The following SND1 variants were observed in gnomAD, a reference collection of about 807,000 sequenced individuals.
SND1 encodes staphylococcal nuclease and tudor domain containing 1.
SND1 carries 38 observed loss-of-function variants against 121.7 expected under a neutral mutation model. The observed-to-expected ratio is 0.31, with a 90% CI of 0.24 to 0.41. The LOEUF is 0.41. Ranked by LOEUF, SND1 falls within the 10% of genes least tolerant of loss-of-function variation. The probability of loss-of-function intolerance (pLI) is 1.00; values close to 1 mark genes in which losing one functional copy is unlikely to be tolerated. For synonymous variants in SND1, 401 were observed against 447.4 expected, an observed-to-expected ratio of 0.90 and a Z score of 1.31; for missense variants, 868 against 1,184.6, an observed-to-expected ratio of 0.73 and a Z score of 3.92.
chr7:127,947,638 G>T (rs1334124162), intron 15 of SND1, among the ~76,000 whole-genome samples: 1 of 152,166 alleles, frequency 6.6e-6, no homozygotes, highest in African/African-American at 2.4e-5. Flanking sequence ...AGGACTCTGG[G>T]CGCTGGCCTT....
intron 13 of SND1, chr7:127,904,537 G>C: frequency 2.5e-6 from 1 of 396,936 alleles, no homozygotes; most frequent in Non-Finnish European, 4.6e-6. Context: ...GCCAAGTGCT[G>C]GTAACAGGGC....
intron 1 of SND1, among the ~76,000 whole-genome samples, chr7:127,664,458 T>TG (rs920613179): frequency 1.6e-4 from 25 of 151,918 alleles, no homozygotes; most frequent in African/African-American, 5.1e-4. Flanking sequence ...TTGGGGAAAA[T>TG]GGGGAGGTGC....
intron 10 of SND1, among the ~76,000 whole-genome samples, chr7:127,726,101 G>A (rs1796577278): frequency 6.6e-6 from 1 of 152,140 alleles, no homozygotes; most frequent in Non-Finnish European, 1.5e-5. Context: ...CCTTAATTTG[G>A]TTACTTTCTA....
At chr7:127,857,338 G>A (rs1321200511) in intron 12 of SND1, among the ~76,000 whole-genome samples, 2 of 142,692 alleles carry the variant, frequency 1.4e-5, no homozygotes, top group African/African-American at 5.2e-5. Context: ...GACTACAGGC[G>A]CCCGCCACCG....
chr7:128,037,654 C>G (rs115707464), intron 16 of SND1, among the ~76,000 whole-genome samples: 17 of 152,244 alleles, frequency 1.1e-4, no homozygotes, highest in African/African-American at 3.6e-4. Flanking sequence ...CAGCAGGTGA[C>G]TCTTCCCTAT....
rs941725840 is a variant in SND1, at chr7:127,664,969, C to T, written c.78+12518C>T. Among the ~76,000 whole-genome samples, 4 of 152,278 alleles carry T rather than the reference C, an allele frequency of 2.6e-5. No homozygotes were observed. In the East Asian group the frequency reaches 5.8e-4, roughly 22 times the overall value. On this transcript the variant is annotated intron_variant, in intron 1 of 23. Coordinates refer to ENST00000354725, the MANE Select transcript of SND1 (RefSeq NM_014390.4). Reference sequence around the variant, plus strand: ...GGGTGGTAGGTGGTAGTAGGAATGACAATATCTGGCACGGAGAACACTTGT... The same window carrying T: ...GGGTGGTAGGTGGTAGTAGGAATGATAATATCTGGCACGGAGAACACTTGT...
At chr7:127,913,585 T>A (rs1406478662) in intron 14 of SND1, among the ~76,000 whole-genome samples, 1 of 152,232 alleles carries the variant, frequency 6.6e-6, no homozygotes, top group Non-Finnish European at 1.5e-5. Context: ...CACTCTATGA[T>A]TCTATTTCAT....
chr7:127,960,728 ATCTATAT>A (rs750481589), intron 15 of SND1, among the ~76,000 whole-genome samples: 2 of 152,206 alleles, frequency 1.3e-5, no homozygotes, highest in African/African-American at 2.4e-5. Flanking sequence ...CCAGGTTGCA[ATCTATAT>A]TCAGATCTTC....
At chr7:127,949,295 GAAA>G (rs1490533707) in intron 15 of SND1, 1 of 152,086 alleles carries the variant, frequency 6.6e-6, no homozygotes, top group Non-Finnish European at 1.5e-5. Context: ...GAACCCTTAA[GAAA>G]AAAGTAAAAT....
chr7:127,802,390 C>T (rs972805607), intron 10 of SND1, among the ~76,000 whole-genome samples: 6 of 152,178 alleles, frequency 3.9e-5, no homozygotes, highest in Admixed American at 2.0e-4. Flanking sequence ...TAGTGCTCTA[C>T]CAAAAGTATG....
chr7:127,951,911 T>C (rs1006365621), intron 15 of SND1, among the ~76,000 whole-genome samples: 1 of 152,252 alleles, frequency 6.6e-6, no homozygotes, highest in African/African-American at 2.4e-5. Flanking sequence ...ACCTGCATGT[T>C]GCAAAATCTA....
rs544863189 is a variant in SND1, at chr7:128,015,372, C to A, written c.1779+24316C>A. On this transcript the variant is annotated intron_variant, in intron 16 of 23. Coordinates refer to ENST00000354725, the MANE Select transcript of SND1 (RefSeq NM_014390.4). This position sits in a 1 kb window ranked among gnomAD's most constrained non-coding sequence, Gnocchi z 4.5. ...TTAAGTTCATATTTTGCAGAAAACA[C>A]TTTCCAGCCTTCATCAGCGCTAATC... Among the ~76,000 whole-genome samples, 1 of 152,342 alleles carries A rather than the reference C, an allele frequency of 6.6e-6. No homozygotes were observed. Among genetic ancestry groups the A allele is most frequent in the African/African-American group, 2.4e-5 (1 of 41,576 alleles).
intron 15 of SND1, among the ~76,000 whole-genome samples, chr7:127,962,240 C>G (rs899701595): frequency 2.0e-5 from 3 of 152,090 alleles, no homozygotes; most frequent in Non-Finnish European, 1.5e-5. Flanking sequence ...ATAAATTAAG[C>G]CTTGAAACCC....
Position 128,085,803 on chromosome 7 carries a change from T to C in SND1, c.2304+23T>C, listed in dbSNP as rs961720867. 2 of 1,601,296 alleles carry C rather than the reference T, an allele frequency of 1.2e-6. No individual in the cohort carries two copies. Among genetic ancestry groups the C allele is most frequent in the African/African-American group, 1.3e-5 (1 of 74,684 alleles). On this transcript the variant is annotated intron_variant, in intron 20 of 23. Transcript: ENST00000354725. This position sits in a 1 kb window ranked among gnomAD's most constrained non-coding sequence, Gnocchi z 4.4. ...AACGTGAGTGTTGGGGACCAGAGTGTTGGAGGGGCTATCAAACACAGCAGC... is the reference window on the plus strand; with the variant it reads ...AACGTGAGTGTTGGGGACCAGAGTGCTGGAGGGGCTATCAAACACAGCAGC...
At chr7:127,806,388 C>T (rs535528494) in intron 10 of SND1, among the ~76,000 whole-genome samples, 102 of 152,280 alleles carry the variant, frequency 6.7e-4, no homozygotes, top group African/African-American at 2.4e-3. Flanking sequence ...AATGGCATTG[C>T]TTAGAATAGC....
intron 1 of SND1, among the ~76,000 whole-genome samples, chr7:127,670,074 T>A (rs943539365): frequency 3.3e-5 from 5 of 151,812 alleles, no homozygotes; most frequent in African/African-American, 9.7e-5. Flanking sequence ...TACTGCAACC[T>A]CTGCGTCCTG....
chr7:128,005,936 T>A lies in SND1; in HGVS notation c.1779+14880T>A, dbSNP rs533540410. ...TAAAGGACACAGCCTTCCTTTGTTA[T>A]CTTTTTCCACAGAATGTAAAATGAG... On this transcript the variant is annotated intron_variant, in intron 16 of 23. Coordinates refer to ENST00000354725, the MANE Select transcript of SND1 (RefSeq NM_014390.4). Among the ~76,000 whole-genome samples the A allele has an allele frequency of 7.9e-5, 12 of 152,288 alleles. No individual in the cohort carries two copies. The South Asian group carries it at 2.5e-3, about 32-fold the overall frequency.
At chr7:127,657,780 T>G (rs1319670874) in intron 1 of SND1, among the ~76,000 whole-genome samples, 1 of 152,222 alleles carries the variant, frequency 6.6e-6, no homozygotes, top group African/African-American at 2.4e-5. Context: ...TTTATAGGCA[T>G]GAGCCACTGC....
intron 12 of SND1, chr7:127,857,926 C>A: frequency 7.3e-7 from 1 of 1,367,086 alleles, no homozygotes; most frequent in East Asian, 2.3e-5. Flanking sequence ...GCAGTAAACA[C>A]CATCAGGAAA....
Sources: gnomAD v4.1 joint callset for allele counts (sites outside exome capture counted in the v4.1 genomes callset) on GRCh38, gnomAD v4.1.1 for gene constraint, Gnocchi (gnomAD v3.1) non-coding constraint, MANE v1.5 for transcripts, NCBI Gene and HGNC (gene_info 2026-07-23, HGNC 2026-07-21) for gene names.